The following DSCC1 variants were observed in gnomAD, a reference collection of about 807,000 sequenced individuals.
DSCC1 encodes the protein DNA replication and sister chromatid cohesion 1, also known as sister chromatid cohesion protein DCC1.
In DSCC1, 32 loss-of-function variants were observed where a neutral mutation model predicts 48.2. That is an observed-to-expected ratio of 0.66 (90% confidence interval 0.50 to 0.89). The LOEUF (loss-of-function observed/expected upper bound fraction) is 0.89. DSCC1 is among the 40% of genes least tolerant of loss of function. The pLI is 0.00. For synonymous variants in DSCC1, 150 were observed against 171.5 expected, an observed-to-expected ratio of 0.87 and a Z score of 0.98; for missense variants, 421 against 471.7, an observed-to-expected ratio of 0.89 and a Z score of 1.00.
At chr8:119,843,970 T>A (rs1826813274) in intron 4 of DSCC1, among the ~76,000 whole-genome samples, 1 of 151,638 alleles carries the variant, frequency 6.6e-6, no homozygotes, top group Non-Finnish European at 1.5e-5. Flanking sequence ...AGAAACAGGG[T>A]TCCACCATGT....
chr8:119,847,164 T>A lies in DSCC1; in HGVS notation c.487-84A>T, dbSNP rs565353159. The A allele has an allele frequency of 9.7e-5, 112 of 1,158,124 alleles. No individual in the cohort carries two copies. In the South Asian group the frequency reaches 1.4e-3, roughly 15 times the overall value. 71.7% of individuals were successfully genotyped at this position (1,158,124 alleles called of 1,614,324 possible). A position where few individuals can be genotyped will look rare whatever the true frequency, so the allele number is the denominator to read the frequency against. On this transcript the variant is annotated intron_variant, in intron 3 of 8. Transcript: ENST00000313655. The stretch of plus-strand genomic sequence containing the variant: ...TGCTGAATATTGAGGAATAAATACA[T>A]AGAACAGATTAAGGCAATATTTATG...
Position 119,855,754 on chromosome 8 carries a change from G to T in DSCC1, c.42C>A (p.Ile14=). The change falls in exon 1 of 9, where the codon ATC becomes ATA. Residue 14 remains isoleucine, a synonymous_variant. Coordinates refer to ENST00000313655, the MANE Select transcript of DSCC1 (RefSeq NM_024094.3). ...GCAGCTCGGCCGCATTCAGCTTGGC[G>T]ATCTGCAGCGTCGCATCCACCTCGT... ...TRDEVDATLQ[I]AKLNAAELLP... is the part of the protein sequence containing the mutation. 6.3e-7 allele frequency: 1 copy of T among 1,575,034 alleles called. No individual in the cohort carries two copies. Among genetic ancestry groups the T allele is most frequent in the South Asian group, 1.2e-5 (1 of 85,984 alleles).
chr8:119,843,546 A>T lies in DSCC1; in HGVS notation c.716+63T>A, dbSNP rs1826806240. 3.2e-6 allele frequency: 5 copies of T among 1,546,830 alleles called. No individual in the cohort carries two copies. The Admixed American group carries it at 1.1e-4, about 34-fold the overall frequency. ...AGTTTATGCCCTGGGTTTAATTCCA[A>T]TCTGTAAAACAACTCCCTTCCCCTT... On this transcript the variant is annotated intron_variant, in intron 5 of 8. Transcript: ENST00000313655.
Position 119,855,842 on chromosome 8 carries a change from C to G in DSCC1, c.-47G>C, listed in dbSNP as rs764080460. ...CCCGCCGCGCCCGGGTGGCTGCGGG[C>G]TTGGCGGGCAAGAAAGAAGTTCCCA... On this transcript the variant is annotated 5_prime_UTR_variant, in exon 1 of 9. Transcript: ENST00000313655. 1.4e-6 allele frequency: 2 copies of G among 1,414,312 alleles called. No individual in the cohort carries two copies. Among genetic ancestry groups the G allele is most frequent in the African/African-American group, 1.5e-5 (1 of 65,582 alleles). 87.6% of individuals were successfully genotyped at this position (1,414,312 alleles called of 1,614,324 possible).
chr8:119,853,886 T>G (rs188210885), intron 1 of DSCC1, among the ~76,000 whole-genome samples: 2 of 152,206 alleles, frequency 1.3e-5, no homozygotes, highest in Non-Finnish European at 2.9e-5. Flanking sequence ...GTTTAAAAAC[T>G]GTACTAAACC....
chr8:119,843,811 C>A, intron 4 of DSCC1, 64 bp from the exon 5 acceptor site: 1 of 1,518,452 alleles, frequency 6.6e-7, no homozygotes, highest in Admixed American at 1.9e-5. Flanking sequence ...GGTCTCAACT[C>A]TGTCACCCAA....
At position 119,847,975 on chromosome 8, in the gene DSCC1, TTTGTTTTTG is replaced by T. The variant is rs1384776427; in HGVS notation, c.487-904_487-896del. Among the ~76,000 whole-genome samples, 187 of 150,998 alleles carry T rather than the reference TTTGTTTTTG, an allele frequency of 1.2e-3. 2 individuals carry two copies. Among genetic ancestry groups the T allele is most frequent in the South Asian group, 8.4e-4 (4 of 4,766 alleles). ...CCACCCCGCCTGGCCTCTTTTTGTT[TTTGTTTTTG>T]TTTTTTTTAAATACAGAGTCTCACT... On this transcript the variant is annotated intron_variant, in intron 3 of 8. Coordinates refer to ENST00000313655, the MANE Select transcript of DSCC1 (RefSeq NM_024094.3).
In DSCC1 at chr8:119,855,788, C is replaced by A; in HGVS notation, c.8G>T (p.Arg3Met). MK[R>M]TRDEVDATLQ... The stretch of plus-strand genomic sequence containing the variant: ...CGTCGCATCCACCTCGTCGCGGGTC[C>A]TCTTCATCGCAGCGCCGGGTCTAGG... Residue 3 changes from arginine (R) to methionine (M), a missense_variant, in exon 1 of 9, where the codon AGG becomes ATG. Arg to Met is a moderately conservative substitution (Grantham distance 91, BLOSUM62 -1). This residue lies in a region of DSCC1 where 174 missense variants were observed against 184.5 expected (regional missense o/e 0.94). Transcript: ENST00000313655. 6.5e-7 allele frequency: 1 copy of A among 1,531,190 alleles called. No homozygotes were observed. Among genetic ancestry groups the A allele is most frequent in the East Asian group, 2.5e-5 (1 of 40,082 alleles). 94.9% of individuals were successfully genotyped at this position (1,531,190 alleles called of 1,614,324 possible).
At chr8:119,851,389 A>G (rs773599591) in intron 2 of DSCC1, among the ~76,000 whole-genome samples, 91 of 152,226 alleles carry the variant, frequency 6.0e-4, no homozygotes, top group South Asian at 6.2e-4. Context: ...GATTTTATCC[A>G]TAGTTAAAAG....
Position 119,841,898 on chromosome 8 carries a change from G to C in DSCC1, c.820C>G (p.Arg274Gly). 2 of 1,614,040 alleles carry C rather than the reference G, an allele frequency of 1.2e-6. No homozygotes were observed. The change falls in exon 7 of 9, where the codon CGA becomes GGA. Residue 274 changes from arginine to glycine, a missense_variant. Physicochemically the swap from Arg to Gly is moderately radical, Grantham distance 125. Transcript: ENST00000313655. Reference sequence around the variant, plus strand: ...TTCACCGCATTCTGAAGTAGCATTCGTGCTGCTGCTCTACATATTTTATCA... The same window carrying C: ...TTCACCGCATTCTGAAGTAGCATTCCTGCTGCTGCTCTACATATTTTATCA... ...DADKICRAAA[R>G]MLLQNAVKFN...
rs769354712 is a variant in DSCC1, at chr8:119,841,868, T to G, written c.850A>C (p.Asn284His). 1.1e-5 allele frequency: 18 copies of G among 1,614,204 alleles called. No individual in the cohort carries two copies. Among genetic ancestry groups the G allele is most frequent in the South Asian group, 3.3e-5 (3 of 91,076 alleles). The change falls in exon 7 of 9, where the codon AAT becomes CAT. Residue 284 changes from asparagine to histidine, a missense_variant. Transcript: ENST00000313655. Reference sequence around the variant, plus strand: ...CACACTTCTTGAAACTCAGCGAGATTGAATTTCACCGCATTCTGAAGTAGC... The same window carrying G: ...CACACTTCTTGAAACTCAGCGAGATGGAATTTCACCGCATTCTGAAGTAGC... ...RMLLQNAVKF[N>H]LAEFQEVWQQ...
At chr8:119,840,616 T>TTA (rs1484799742) in intron 7 of DSCC1, among the ~76,000 whole-genome samples, 1 of 152,152 alleles carries the variant, frequency 6.6e-6, no homozygotes, top group Non-Finnish European at 1.5e-5. Context: ...TAGGTGACCA[T>TTA]TAAACTGATT....
Position 119,835,842 on chromosome 8 carries a change from C to T in DSCC1, c.1074-841G>A, listed in dbSNP as rs7833112. Among the ~76,000 whole-genome samples the T allele has an allele frequency of 1.3e-4, 19 of 151,968 alleles. No individual in the cohort carries two copies. In the East Asian group the frequency reaches 1.6e-3, roughly 12 times the overall value. Reference sequence around the variant, plus strand: ...ACCTCAAAGAGAAGAAGATTACGACCGGAACATAATAAGGAGAGGGAGGAA... The same window carrying T: ...ACCTCAAAGAGAAGAAGATTACGACTGGAACATAATAAGGAGAGGGAGGAA... On this transcript the variant is annotated intron_variant, in intron 8 of 8. Transcript: ENST00000313655.
chr8:119,838,231 C>A (rs533568326), intron 8 of DSCC1, 28 bp downstream of exon 8: 1 of 1,517,644 alleles, frequency 6.6e-7, no homozygotes, highest in South Asian at 1.4e-5. Context: ...GAACGACCCT[C>A]AAAATCCGTC....
At position 119,855,686 on chromosome 8, in the gene DSCC1, C is replaced by T. The variant is rs1212984818; in HGVS notation, c.110G>A (p.Gly37Asp). The T allele has an allele frequency of 3.9e-6, 6 of 1,554,136 alleles. No homozygotes were observed. In the Admixed American group the frequency reaches 7.7e-5, roughly 20 times the overall value. ...HCLGFGPGAS[G>D]AAAGDFCLLE... ...CAGGCAGAAGTCGCCGGCTGCAGCG[C>T]CGCTGGCCCCAGGGCCGAAGCCCAG... The change falls in exon 1 of 9, where the codon GGC (glycine) becomes GAC (aspartate). Residue 37 changes from glycine to aspartate, a missense_variant. Around this residue, in one of 3 missense-constraint regions of DSCC1, gnomAD observed 174 missense variants for 184.5 expected, o/e 0.94. Coordinates refer to ENST00000313655, the MANE Select transcript of DSCC1 (RefSeq NM_024094.3).
chr8:119,852,542 A>G (rs1460624561), intron 2 of DSCC1, among the ~76,000 whole-genome samples: 1 of 152,052 alleles, frequency 6.6e-6, no homozygotes. Flanking sequence ...TTTAGTAGAG[A>G]CAGGGTTTTA....
chr8:119,841,282 G>A (rs958199419), intron 7 of DSCC1, among the ~76,000 whole-genome samples: 5 of 152,116 alleles, frequency 3.3e-5, no homozygotes, highest in South Asian at 2.1e-4. Context: ...GTGAGCTACC[G>A]CACTTGGTCT....
intron 7 of DSCC1, chr8:119,839,991 T>C (rs1826743954): frequency 6.6e-6 from 1 of 152,226 alleles, no homozygotes; most frequent in African/African-American, 2.4e-5. Context: ...TCACTCTGCA[T>C]TGTAAGAACA....
At chr8:119,848,031 G>A (rs1198749148) in intron 3 of DSCC1, among the ~76,000 whole-genome samples, 1 of 152,052 alleles carries the variant, frequency 6.6e-6, no homozygotes, top group East Asian at 1.9e-4. Context: ...CTGGACTGCA[G>A]TGGTGTGATC....
Sources: allele counts gnomAD v4.1 joint callset (sites outside exome capture counted in the v4.1 genomes callset), GRCh38; gene constraint gnomAD v4.1.1; regional missense constraint gnomAD v4.1.1; transcripts MANE v1.5; gene names NCBI Gene and HGNC (gene_info 2026-07-23, HGNC 2026-07-21).